The following RSKR variants were observed in gnomAD, a reference collection of about 807,000 sequenced individuals.
RSKR encodes ribosomal protein S6 kinase-related protein.
A neutral mutation model predicts 56.8 loss-of-function variants in RSKR; 44 were observed. That is an observed-to-expected ratio of 0.77 (90% confidence interval 0.61 to 1.00). RSKR has a LOEUF of 1.00. RSKR is among the 50% of genes least tolerant of loss of function. The pLI, the probability that RSKR is intolerant of heterozygous loss-of-function variation, is 0.00. For synonymous variants in RSKR, 181 were observed against 188.0 expected (o/e 0.96, Z 0.30); for missense variants, 510 against 506.9 (o/e 1.01, Z -0.06).
chr17:28,610,679 G>A lies in RSKR; in HGVS notation c.1032C>T (p.Leu344=). 2 of 1,536,174 alleles carry A rather than the reference G, an allele frequency of 1.3e-6. No individual in the cohort carries two copies. Among genetic ancestry groups the A allele is most frequent in the Non-Finnish European group, 1.7e-6 (2 of 1,146,920 alleles). The change falls in exon 12 of 12, where the codon CTC becomes CTT. Residue 344 remains leucine, a synonymous_variant. Coordinates refer to ENST00000301037, the MANE Select transcript of RSKR (RefSeq NM_001174103.2). The part of the protein sequence containing the change: ...LLHELLCQNP[L]HRLRYLHHFQ... ...AGTGATGCAGATAACGTAGACGATG[G>A]AGGGGGTTCTGGCATAAGAGCTGAA...
Position 28,613,069 on chromosome 17 carries a change from T to G in RSKR, c.477+9A>C. 6.2e-7 allele frequency: 1 copy of G among 1,613,892 alleles called. No homozygotes were observed. The highest frequency in any genetic ancestry group is 1.1e-5 in the South Asian group (1 of 91,078). On this transcript the variant is annotated intron_variant, in intron 4 of 11. Coordinates refer to ENST00000301037, the MANE Select transcript of RSKR (RefSeq NM_001174103.2). ...CTTCCCACAATCCTTTCCAGGACTC[T>G]GTGCATACCTGGATGCTAACCTCCT...
At chr17:28,613,902 C>T in intron 1 of RSKR, 185 bp downstream of exon 1, 1 of 995,666 alleles carries the variant, frequency 1.0e-6, no homozygotes, top group Non-Finnish European at 1.5e-6. Context: ...GACATTTTCA[C>T]CATGACGCAT....
In RSKR at chr17:28,613,986, T is replaced by C. The variant is rs577990678; in HGVS notation, c.75+101A>G. On this transcript the variant is annotated intron_variant, in intron 1 of 11. Coordinates refer to ENST00000301037, the MANE Select transcript of RSKR (RefSeq NM_001174103.2). Reference sequence around the variant, plus strand: ...ACAGCCTCCCTGCCCCACCCCCACATTGGGTAATCACTTCCATGCTCCTAA... The same window carrying C: ...ACAGCCTCCCTGCCCCACCCCCACACTGGGTAATCACTTCCATGCTCCTAA... The C allele has an allele frequency of 1.9e-5, 28 of 1,467,408 alleles. No homozygotes were observed. The East Asian group carries it at 2.3e-4, about 12-fold the overall frequency. The allele number at this position is 1,467,408 out of a possible 1,614,324, so 90.9% of individuals were successfully genotyped here.
rs2070795839 is a variant in RSKR at position 28,610,449 on chromosome 17, A to G, written c.*29T>C. 1.3e-6 allele frequency: 2 copies of G among 1,528,370 alleles called. No homozygotes were observed. The highest frequency in any genetic ancestry group is 2.4e-5 in the East Asian group (1 of 40,838). The allele number at this position is 1,528,370 out of a possible 1,614,324, so 94.7% of individuals were successfully genotyped here. On this transcript the variant is annotated 3_prime_UTR_variant, in exon 12 of 12. Coordinates refer to ENST00000301037, the MANE Select transcript of RSKR (RefSeq NM_001174103.2). ...CAGGGATGGAGATCTTCAGGCTCCC[A>G]GCCGGGCCCCAATTTACAGTAGAGA...
At chr17:28,610,888 C>T in intron 11 of RSKR, 189 bp from the exon 12 acceptor site, 1 of 680,676 alleles carries the variant, frequency 1.5e-6, no homozygotes, top group African/African-American at 1.8e-5. Context: ...AGGAGCTGTG[C>T]TTGTGAGTTT....
chr17:28,613,593 T>C lies in RSKR; in HGVS notation c.171A>G (p.Glu57=), dbSNP rs1381549474. The part of the protein sequence containing the change: ...TIRSDLEELW[E]LRGHHYLHQE... ...GGTGCAGATAGTGGTGCCCCCGTAG[T>C]TCCCAGAGTTCTTCCAGATCTGACC... The change falls in exon 2 of 12, where the codon GAA becomes GAG. Residue 57 remains glutamate, a synonymous_variant. Coordinates refer to ENST00000301037, the MANE Select transcript of RSKR (RefSeq NM_001174103.2). 1 of 1,614,162 alleles carries C rather than the reference T, an allele frequency of 6.2e-7. No individual in the cohort carries two copies. The highest frequency in any genetic ancestry group is 8.5e-7 in the Non-Finnish European group (1 of 1,180,028).
chr17:28,609,004 T>TTATTGAGA lies in RSKR; in HGVS notation c.*1466_*1473dup, dbSNP rs1255428283. ...TGATTTTCCTTACTAAAGGAAAAGG[T>TTATTGAGA]TATTGAGATATGTCTCTAACCTTAA... On this transcript the variant is annotated 3_prime_UTR_variant, in exon 12 of 12. Coordinates refer to ENST00000301037, the MANE Select transcript of RSKR (RefSeq NM_001174103.2). 6.6e-6 allele frequency: 1 copy of TTATTGAGA among 151,468 alleles called. No homozygotes were observed. Among genetic ancestry groups the TTATTGAGA allele is most frequent in the Non-Finnish European group, 1.5e-5 (1 of 67,884 alleles). 9.4% of individuals were successfully genotyped at this position (151,468 alleles called of 1,614,324 possible). A position where few individuals can be genotyped will look rare whatever the true frequency, so the allele number is the denominator to read the frequency against.
Position 28,610,712 on chromosome 17 carries a change from AG to A in RSKR, c.1012-14del, listed in dbSNP as rs1230179291. 1 of 1,535,368 alleles carries A rather than the reference AG, an allele frequency of 6.5e-7. No individual in the cohort carries two copies. Among genetic ancestry groups the A allele is most frequent in the Non-Finnish European group, 8.7e-7 (1 of 1,146,298 alleles). On this transcript the variant is annotated splice_polypyrimidine_tract_variant and intron_variant, in intron 11 of 11. Coordinates refer to ENST00000301037, the MANE Select transcript of RSKR (RefSeq NM_001174103.2). ...TCTGGCATAAGAGCTGAAGGAAAAT[AG>A]AGCATGAAGGATGAGTGACTAGGAC... is the stretch of plus-strand genomic sequence containing the variant.
At position 28,614,075 on chromosome 17, in the gene RSKR, C is replaced by T; in HGVS notation, c.75+12G>A. ...CCTCCCCTCAGTAGGCTGCCAGAGC[C>T]CCACAGCCTACCTTGTGAGGGACAG... On this transcript the variant is annotated intron_variant, in intron 1 of 11. Transcript: ENST00000301037. 1 of 1,611,722 alleles carries T rather than the reference C, an allele frequency of 6.2e-7. No individual in the cohort carries two copies. Among genetic ancestry groups the T allele is most frequent in the Non-Finnish European group, 8.5e-7 (1 of 1,178,376 alleles).
chr17:28,610,662 A>C lies in RSKR; in HGVS notation c.1049T>G (p.Leu350Arg). The C allele has an allele frequency of 2.6e-6, 4 of 1,536,158 alleles. No individual in the cohort carries two copies. Among genetic ancestry groups the C allele is most frequent in the Non-Finnish European group, 3.5e-6 (4 of 1,146,914 alleles). The change falls in exon 12 of 12, where the codon CTG (leucine) becomes CGG (arginine). Residue 350 changes from leucine to arginine, a missense_variant. By Grantham distance (102) the Leu-to-Arg change is moderately radical. Coordinates refer to ENST00000301037, the MANE Select transcript of RSKR (RefSeq NM_001174103.2). ...GAAAGGGTGGACCTGGAAGTGATGC[A>C]GATAACGTAGACGATGGAGGGGGTT... ...CQNPLHRLRY[L>R]HHFQVHPFFR... is the part of the protein sequence containing the mutation.
rs557313136 is a variant in RSKR, at chr17:28,610,515, T to A, written c.1196A>T (p.Asp399Val). ...AGGGTAGAGCAAGAAGGACTCCAGATCACAGTCAAAGTCGTCAAAGGGCAT... is the reference window on the plus strand; with the variant it reads ...AGGGTAGAGCAAGAAGGACTCCAGAACACAGTCAAAGTCGTCAAAGGGCAT... ...ETMPFDDFDC[D>V]LESFLLYPIP... Residue 399 changes from aspartate (D) to valine (V), a missense_variant, in exon 12 of 12, where the codon GAT (aspartate) becomes GTT (valine). Physicochemically the swap from Asp to Val is radical, Grantham distance 152. Transcript: ENST00000301037. The A allele has an allele frequency of 6.5e-7, 1 of 1,536,004 alleles. No homozygotes were observed. Among genetic ancestry groups the A allele is most frequent in the African/African-American group, 1.4e-5 (1 of 73,124 alleles).
intron 11 of RSKR, chr17:28,610,942 C>G (rs985343181): frequency 7.0e-5 from 46 of 653,268 alleles, no homozygotes; most frequent in Non-Finnish European, 1.1e-4. Context: ...AGGGACCTCT[C>G]TGTTCTAGAT....
chr17:28,610,951 A>G, intron 11 of RSKR, 192 bp downstream of exon 11: 1 of 656,378 alleles, frequency 1.5e-6, no homozygotes, highest in Non-Finnish European at 2.6e-6. Context: ...TCTGTTCTAG[A>G]TGGGGAGGAG....
At position 28,610,436 on chromosome 17, in the gene RSKR, T is replaced by A. The variant is rs1442522004; in HGVS notation, c.*42A>T. 1 of 1,505,484 alleles carries A rather than the reference T, an allele frequency of 6.6e-7. No homozygotes were observed. The highest frequency in any genetic ancestry group is 1.2e-5 in the South Asian group (1 of 83,394). 93.3% of individuals were successfully genotyped at this position (1,505,484 alleles called of 1,614,324 possible). A position where few individuals can be genotyped will look rare whatever the true frequency, so the allele number is the denominator to read the frequency against. ...CATACTGAGTAGGCAGGGATGGAGA[T>A]CTTCAGGCTCCCAGCCGGGCCCCAA... On this transcript the variant is annotated 3_prime_UTR_variant, in exon 12 of 12. Coordinates refer to ENST00000301037, the MANE Select transcript of RSKR (RefSeq NM_001174103.2).
rs1402687193 is a variant in RSKR at position 28,608,789 on chromosome 17, T to C, written c.*1689A>G. ...TCAATCTAGAGACAAAATTAATAAA[T>C]AGAACTAAAGAGTACTCTCCAGACT... On this transcript the variant is annotated 3_prime_UTR_variant, in exon 12 of 12. Coordinates refer to ENST00000301037, the MANE Select transcript of RSKR (RefSeq NM_001174103.2). 6.6e-6 allele frequency: 1 copy of C among 152,108 alleles called. No individual in the cohort carries two copies. The highest frequency in any genetic ancestry group is 2.4e-5 in the African/African-American group (1 of 41,414). 9.4% of individuals were successfully genotyped at this position (152,108 alleles called of 1,614,324 possible). A position where few individuals can be genotyped will look rare whatever the true frequency, so the allele number is the denominator to read the frequency against.
At chr17:28,611,719 CA>C in intron 8 of RSKR, 48 bp downstream of exon 8, 1 of 1,613,766 alleles carries the variant, frequency 6.2e-7, no homozygotes, top group Non-Finnish European at 8.5e-7. Context: ...GATTTATTCC[CA>C]AACCAAAGTA....
At chr17:28,610,797 G>A in intron 11 of RSKR, 98 bp from the exon 12 acceptor site, 2 of 1,209,178 alleles carry the variant, frequency 1.7e-6, no homozygotes, top group Non-Finnish European at 2.3e-6. Flanking sequence ...AGCTGTGGAG[G>A]GTAGGAATAA....
At position 28,610,384 on chromosome 17, in the gene RSKR, A is replaced by G; in HGVS notation, c.*94T>C. The G allele has an allele frequency of 8.4e-7, 1 of 1,194,870 alleles. No individual in the cohort carries two copies. The highest frequency in any genetic ancestry group is 1.2e-6 in the Non-Finnish European group (1 of 852,764). 74.0% of individuals were successfully genotyped at this position (1,194,870 alleles called of 1,614,324 possible). ...GCAGAACGGTAAGAGGCTACAAAAT[A>G]AAAACAAACTGGATTATCAAGGTGG... is the stretch of plus-strand genomic sequence containing the variant. On this transcript the variant is annotated 3_prime_UTR_variant, in exon 12 of 12. Transcript: ENST00000301037.
intron 4 of RSKR, 87 bp from the exon 5 acceptor site, chr17:28,612,774 C>A (rs943175787): frequency 6.2e-6 from 8 of 1,293,606 alleles, no homozygotes; most frequent in Non-Finnish European, 8.9e-6. Flanking sequence ...CCCAGATGTG[C>A]AGAGGGGGAA....
Sources: gnomAD v4.1 joint callset for allele counts on GRCh38, gnomAD v4.1.1 for gene constraint, MANE v1.5 for transcripts, NCBI Gene and HGNC (gene_info 2026-07-23, HGNC 2026-07-21) for gene names.